RHBDD1: variants seen among roughly 807,000 people sequenced by gnomAD.
The protein encoded by RHBDD1 is rhomboid domain containing 1, also known as rhomboid-related protein 4.
Under a neutral mutation model 36.3 loss-of-function variants are expected in RHBDD1, and 38 were observed. The ratio of observed to expected loss-of-function variants is 1.05; its 90% CI spans 0.81 to 1.37. The LOEUF (loss-of-function observed/expected upper bound fraction) is 1.37, where lower values mean the gene tolerates loss of function less well. Among genes scored for constraint, RHBDD1 ranks in the 40% most tolerant of loss-of-function variants. RHBDD1 has a pLI of 0.00. For synonymous variants in RHBDD1, 151 were observed against 136.5 expected (o/e 1.11, Z -0.74); for missense variants, 393 against 377.6 (o/e 1.04, Z -0.34).
At chr2:226,949,421 GTGACCTGTATA>G (rs1238932002) in intron 8 of RHBDD1, among the ~76,000 whole-genome samples, 2 of 152,128 alleles carry the variant, frequency 1.3e-5, no homozygotes, top group African/African-American at 4.8e-5. Context: ...AGCATTGTAA[GTGACCTGTATA>G]TGTGTGTGTA....
chr2:226,961,423 C>T (rs1952190512), intron 8 of RHBDD1, among the ~76,000 whole-genome samples: 1 of 152,082 alleles, frequency 6.6e-6, no homozygotes, highest in South Asian at 2.1e-4. Flanking sequence ...GTTCTTTTTA[C>T]TTCTATTTCA....
chr2:226,866,450 G>T (rs73083699), intron 4 of RHBDD1, among the ~76,000 whole-genome samples: 5,636 of 152,122 alleles, frequency 0.037, 359 homozygotes, highest in African/African-American at 0.13. Flanking sequence ...TGATTTTATA[G>T]ATGAGGAAGC....
chr2:226,945,769 C>T (rs192623136), intron 8 of RHBDD1, among the ~76,000 whole-genome samples: 1 of 152,314 alleles, frequency 6.6e-6, no homozygotes, highest in Admixed American at 6.5e-5. Context: ...TTTACACTCC[C>T]ACCAACAGTG....
chr2:226,863,005 A>G (rs13430457), intron 3 of RHBDD1, among the ~76,000 whole-genome samples: 28,376 of 152,190 alleles, frequency 0.19, 4,327 homozygotes, highest in African/African-American at 0.42. Context: ...ATATTCCCCC[A>G]TGACCCAAAC....
intron 5 of RHBDD1, chr2:226,895,799 C>A: frequency 4.1e-6 from 4 of 985,352 alleles, no homozygotes; most frequent in Non-Finnish European, 4.8e-6. Context: ...TAACAACTCA[C>A]CCCAGCAACA....
At chr2:226,858,404 A>G (rs933434481) in intron 3 of RHBDD1, among the ~76,000 whole-genome samples, 1 of 152,190 alleles carries the variant, frequency 6.6e-6, no homozygotes. Flanking sequence ...CAATCTTCAG[A>G]ACAGCATTTG....
intron 5 of RHBDD1, among the ~76,000 whole-genome samples, chr2:226,883,366 C>T (rs1397150266): frequency 1.3e-5 from 2 of 152,254 alleles, no homozygotes; most frequent in Non-Finnish European, 1.5e-5. Context: ...TAAACCACAT[C>T]GATATGAGAC....
chr2:226,985,593 A>C (rs1333997755), intron 8 of RHBDD1, among the ~76,000 whole-genome samples: 4 of 152,264 alleles, frequency 2.6e-5, no homozygotes, highest in Admixed American at 2.6e-4. Context: ...TCCGAGCTGT[A>C]GCTCAATGGT....
intron 8 of RHBDD1, among the ~76,000 whole-genome samples, chr2:226,958,018 C>T (rs1043509024): frequency 3.3e-5 from 5 of 152,080 alleles, no homozygotes; most frequent in African/African-American, 1.2e-4. Context: ...TACAGTTTAA[C>T]CTGAATATAT....
chr2:226,844,809 G>A (rs1237771701), intron 3 of RHBDD1, among the ~76,000 whole-genome samples: 1 of 152,142 alleles, frequency 6.6e-6, no homozygotes, highest in Admixed American at 6.5e-5. Context: ...GCTTATGATT[G>A]ATACTGGAAA....
chr2:226,882,798 G>A (rs1945879858), intron 5 of RHBDD1, among the ~76,000 whole-genome samples: 2 of 152,130 alleles, frequency 1.3e-5, no homozygotes, highest in African/African-American at 4.8e-5. Flanking sequence ...TTACACAACA[G>A]GAATTTATTT....
At chr2:226,832,692 C>T (rs932789562), upstream of RHBDD1, among the ~76,000 whole-genome samples, 7 of 152,206 alleles carry the variant, frequency 4.6e-5, no homozygotes, top group African/African-American at 1.7e-4. Context: ...TGTATTGACC[C>T]TCTTATCAGT....
chr2:226,924,810 AC>A (rs1278293894), intron 8 of RHBDD1, among the ~76,000 whole-genome samples: 1 of 152,076 alleles, frequency 6.6e-6, no homozygotes, highest in African/African-American at 2.4e-5. Context: ...TGGGATGTCC[AC>A]AATCACTGTG....
intron 8 of RHBDD1, among the ~76,000 whole-genome samples, chr2:226,994,318 G>A (rs1356210227): frequency 2.0e-5 from 3 of 152,214 alleles, no homozygotes; most frequent in Non-Finnish European, 4.4e-5. Flanking sequence ...GATCCTGGTA[G>A]GAGAGAACAG....
intron 5 of RHBDD1, among the ~76,000 whole-genome samples, chr2:226,876,358 C>T (rs762342429): frequency 6.6e-6 from 1 of 152,142 alleles, no homozygotes; most frequent in Non-Finnish European, 1.5e-5. Context: ...AGCAGCCTCA[C>T]GGGAGAGCAG....
intron 8 of RHBDD1, among the ~76,000 whole-genome samples, chr2:226,957,860 C>T (rs1307809283): frequency 6.6e-6 from 1 of 151,962 alleles, no homozygotes; most frequent in Non-Finnish European, 1.5e-5. Context: ...TTCACGTCCA[C>T]TAGGATGGCT....
At chr2:226,866,429 A>G (rs1944350148) in intron 4 of RHBDD1, among the ~76,000 whole-genome samples, 1 of 151,850 alleles carries the variant, frequency 6.6e-6, no homozygotes, top group South Asian at 2.1e-4. Context: ...CTGACTGTTG[A>G]GGGATTGTCT....
At chr2:226,845,338 A>G (rs1942103689) in intron 3 of RHBDD1, among the ~76,000 whole-genome samples, 1 of 152,220 alleles carries the variant, frequency 6.6e-6, no homozygotes, top group African/African-American at 2.4e-5. Context: ...AAATATATAT[A>G]CATATATAAT....
intron 5 of RHBDD1, among the ~76,000 whole-genome samples, chr2:226,905,958 C>G (rs890602078): frequency 6.6e-6 from 1 of 151,984 alleles, no homozygotes; most frequent in East Asian, 1.9e-4. Flanking sequence ...TAAAGAACAA[C>G]TCGTTGTGTA....
Sources: allele counts gnomAD v4.1 joint callset (sites outside exome capture counted in the v4.1 genomes callset), GRCh38; gene constraint gnomAD v4.1.1; transcripts MANE v1.5; gene names NCBI Gene and HGNC (gene_info 2026-07-23, HGNC 2026-07-21).